The following BTBD9 variants were observed in gnomAD, a reference collection of about 807,000 sequenced individuals.
The protein encoded by BTBD9 is BTB domain containing 9.
BTBD9 carries 49 observed loss-of-function variants against 64.3 expected under a neutral mutation model. The observed-to-expected ratio is 0.76, with a 90% CI of 0.61 to 0.97. The LOEUF (loss-of-function observed/expected upper bound fraction) is 0.97, where lower values mean the gene tolerates loss of function less well. Among genes scored for constraint, BTBD9 ranks in the 50% least tolerant of loss-of-function variants. The probability of loss-of-function intolerance (pLI) is 0.00; values close to 1 mark genes in which losing one functional copy is unlikely to be tolerated. For synonymous variants in BTBD9, 260 were observed against 274.7 expected (o/e 0.95, Z 0.53); for missense variants, 598 against 762.1 (o/e 0.78, Z 2.53).
intron 6 of BTBD9, among the ~76,000 whole-genome samples, chr6:38,543,486 C>G (rs1003222374): frequency 2.0e-5 from 3 of 152,192 alleles, no homozygotes; most frequent in African/African-American, 7.2e-5. Flanking sequence ...CAATGCACTA[C>G]AATAAGAGCT....
chr6:38,360,531 T>C (rs1231518805), intron 6 of BTBD9, among the ~76,000 whole-genome samples: 1 of 152,128 alleles, frequency 6.6e-6, no homozygotes. Flanking sequence ...AATAGCATGA[T>C]AGCACATAGG....
intron 6 of BTBD9, among the ~76,000 whole-genome samples, chr6:38,532,125 A>G (rs1313258291): frequency 6.6e-6 from 1 of 152,190 alleles, no homozygotes; most frequent in African/African-American, 2.4e-5. Context: ...AATCTGTGCA[A>G]TTAGGAGAGG....
chr6:38,221,413 C>G (rs1272143726), intron 9 of BTBD9, among the ~76,000 whole-genome samples: 1 of 152,178 alleles, frequency 6.6e-6, no homozygotes, highest in Non-Finnish European at 1.5e-5. Context: ...CAGGGAGCCA[C>G]CACCACCATC....
intron 9 of BTBD9, among the ~76,000 whole-genome samples, chr6:38,251,343 C>T (rs561878407): frequency 3.3e-4 from 50 of 150,458 alleles, no homozygotes; most frequent in Admixed American, 2.0e-3. Flanking sequence ...TGGCTCACTG[C>T]AACCTCCGCC....
At chr6:38,595,803 C>T in intron 2 of BTBD9, 1 of 985,148 alleles carries the variant, frequency 1.0e-6, no homozygotes, top group Non-Finnish European at 1.2e-6. Flanking sequence ...CTAAAAGTAC[C>T]CCTGAAGGTT....
intron 6 of BTBD9, among the ~76,000 whole-genome samples, chr6:38,568,828 C>T (rs530311614): frequency 2.1e-4 from 32 of 152,258 alleles, no homozygotes; most frequent in South Asian, 1.4e-3. Context: ...TCTGTGACAA[C>T]GTAATTTATA....
chr6:38,370,632 G>A (rs1242998353), intron 6 of BTBD9, among the ~76,000 whole-genome samples: 1 of 150,102 alleles, frequency 6.7e-6, no homozygotes, highest in African/African-American at 2.4e-5. Flanking sequence ...ATCTGCAATG[G>A]ACATCCCATC....
chr6:38,513,484 T>C (rs980707648), intron 6 of BTBD9, among the ~76,000 whole-genome samples: 6 of 150,664 alleles, frequency 4.0e-5, no homozygotes, highest in Non-Finnish European at 7.4e-5. Flanking sequence ...GTGCTCCACC[T>C]TGGTTAAAAA....
At chr6:38,546,608 C>T (rs2092797) in intron 6 of BTBD9, among the ~76,000 whole-genome samples, 71,008 of 152,074 alleles carry the variant, frequency 0.47, 16,668 homozygotes, top group East Asian at 0.54. Flanking sequence ...GTTTCAGTAA[C>T]TCTTGCAATA....
In BTBD9 at chr6:38,184,344, C is replaced by T. The variant is rs1398772463; in HGVS notation, c.1641+8175G>A. ...CCTCGCATGCACCATACAGGGCCTC[C>T]GTGCTGCCATCTGAAACCTAAGTTT... On this transcript the variant is annotated intron_variant, in intron 10 of 10. Coordinates refer to ENST00000481247, the MANE Select transcript of BTBD9 (RefSeq NM_001099272.2). This position sits in a 1 kb window ranked among gnomAD's most constrained non-coding sequence, Gnocchi z 4.4. Among the ~76,000 whole-genome samples, 1 of 152,222 alleles carries T rather than the reference C, an allele frequency of 6.6e-6. No homozygotes were observed. Among genetic ancestry groups the T allele is most frequent in the African/African-American group, 2.4e-5 (1 of 41,452 alleles).
intron 7 of BTBD9, among the ~76,000 whole-genome samples, chr6:38,324,523 T>G (rs1238201413): frequency 6.6e-6 from 1 of 152,164 alleles, no homozygotes; most frequent in Non-Finnish European, 1.5e-5. Context: ...CTAGAGAAGC[T>G]GCAGGGCCTG....
At chr6:38,327,601 C>T (rs1375477056) in intron 7 of BTBD9, among the ~76,000 whole-genome samples, 1 of 152,110 alleles carries the variant, frequency 6.6e-6, no homozygotes. Context: ...ATAAACTGCA[C>T]ATATTTTAAG....
At chr6:38,608,175 T>C (rs963074562) in intron 1 of BTBD9, among the ~76,000 whole-genome samples, 4 of 152,174 alleles carry the variant, frequency 2.6e-5, no homozygotes, top group Non-Finnish European at 5.9e-5. Context: ...AAGATGACTT[T>C]TAGGAATGAC....
At chr6:38,436,020 A>G (rs1004603393) in intron 6 of BTBD9, among the ~76,000 whole-genome samples, 1 of 151,868 alleles carries the variant, frequency 6.6e-6, no homozygotes, top group Non-Finnish European at 1.5e-5. Flanking sequence ...CAATATTAAC[A>G]TTCTAAGTAC....
At chr6:38,449,989 T>C (rs139331485) in intron 6 of BTBD9, among the ~76,000 whole-genome samples, 3 of 152,264 alleles carry the variant, frequency 2.0e-5, no homozygotes, top group East Asian at 3.8e-4. Flanking sequence ...TCCAGCACTA[T>C]TCATAACAGT....
chr6:38,309,473 T>C (rs1253577004), intron 7 of BTBD9, among the ~76,000 whole-genome samples: 1 of 151,760 alleles, frequency 6.6e-6, no homozygotes, highest in Non-Finnish European at 1.5e-5. Flanking sequence ...GCCAGGCTGA[T>C]GTGATCTCGG....
chr6:38,541,555 G>A (rs1434058669), intron 6 of BTBD9, among the ~76,000 whole-genome samples: 3 of 152,180 alleles, frequency 2.0e-5, no homozygotes, highest in East Asian at 1.9e-4. Flanking sequence ...TGGCTAATAT[G>A]GCGAAGCCCC....
At chr6:38,346,140 T>G (rs930380859) in intron 6 of BTBD9, among the ~76,000 whole-genome samples, 11 of 152,178 alleles carry the variant, frequency 7.2e-5, no homozygotes, top group African/African-American at 2.7e-4. Context: ...AGTAATCTCC[T>G]CCCCTCTGCT....
Position 38,364,992 on chromosome 6 carries a change from G to C in BTBD9, c.1155-19899C>G, listed in dbSNP as rs1765130685. Among the ~76,000 whole-genome samples, 3 of 152,092 alleles carry C rather than the reference G, an allele frequency of 2.0e-5. No individual in the cohort carries two copies. In the South Asian group the frequency reaches 6.2e-4, roughly 32 times the overall value. ...ATAGCAGATGTTCCAAAGTGCTTGG[G>C]GGAGACTGTGAGTAATCCAGTCTCC... On this transcript the variant is annotated intron_variant, in intron 6 of 10. Coordinates refer to ENST00000481247, the MANE Select transcript of BTBD9 (RefSeq NM_001099272.2).
Sources: allele counts gnomAD v4.1 joint callset (sites outside exome capture counted in the v4.1 genomes callset), GRCh38; gene constraint gnomAD v4.1.1; non-coding constraint Gnocchi (gnomAD v3.1); transcripts MANE v1.5; gene names NCBI Gene and HGNC (gene_info 2026-07-23, HGNC 2026-07-21).